Variants in GSE1 observed in about 807,000 individuals in gnomAD.
GSE1 encodes Gse1 coiled-coil protein.
In GSE1, 32 loss-of-function variants were observed where a neutral mutation model predicts 112.6. The observed-to-expected ratio is 0.28, with a 90% CI of 0.21 to 0.38. The LOEUF (loss-of-function observed/expected upper bound fraction) is 0.38, where lower values mean the gene tolerates loss of function less well. Among genes scored for constraint, GSE1 ranks in the 10% least tolerant of loss-of-function variants. GSE1 has a pLI of 1.00. For synonymous variants in GSE1, 1,115 were observed against 735.6 expected (o/e 1.52, Z -8.35); for missense variants, 2,348 against 1,699.2 (o/e 1.38, Z -6.71).
chr16:85,514,672 C>T (rs1400103217), intron 2 of GSE1, among the ~76,000 whole-genome samples: 1 of 152,194 alleles, frequency 6.6e-6, no homozygotes, highest in Non-Finnish European at 1.5e-5. Context: ...CCTCTATTGC[C>T]AGAAACCTCT....
chr16:85,496,965 C>T (rs560986365), intron 2 of GSE1, among the ~76,000 whole-genome samples: 4 of 151,462 alleles, frequency 2.6e-5, no homozygotes, highest in East Asian at 1.9e-4. Context: ...GTGGCTCTAT[C>T]TCGGCTCATT....
intron 2 of GSE1, among the ~76,000 whole-genome samples, chr16:85,526,764 G>A (rs75646369): frequency 1.8e-3 from 267 of 152,276 alleles, no homozygotes; most frequent in Non-Finnish European, 2.8e-3. Flanking sequence ...GGATAAAGAC[G>A]TCCGCTCGCT....
intron 2 of GSE1, among the ~76,000 whole-genome samples, chr16:85,409,859 G>T (rs1162400085): frequency 8.0e-5 from 1 of 12,504 alleles, no homozygotes; most frequent in African/African-American, 3.7e-4. Flanking sequence ...AATCCTCACT[G>T]TTACACTCAG....
intron 5 of GSE1, 78 bp from the exon 6 acceptor site, chr16:85,655,648 G>A (rs1029125053): frequency 4.4e-6 from 4 of 908,780 alleles, no homozygotes; most frequent in East Asian, 2.5e-5. Context: ...TGTGTACCTG[G>A]CTGAGACACA....
rs975934534 is a variant in GSE1, at chr16:85,672,787, G to C, written c.*248G>C. 1 of 308,754 alleles carries C rather than the reference G, an allele frequency of 3.2e-6. No homozygotes were observed. The highest frequency in any genetic ancestry group is 6.0e-6 in the Non-Finnish European group (1 of 167,416). The allele number at this position is 308,754 out of a possible 1,614,324, so 19.1% of individuals were successfully genotyped here. On this transcript the variant is annotated 3_prime_UTR_variant, in exon 16 of 16. Coordinates refer to ENST00000253458, the MANE Select transcript of GSE1 (RefSeq NM_014615.5). ...GCCCACAGTTTTTCTTTTTAAAGGT[G>C]GTTTTCGCCCTTCCTCTCCCACATT... is the stretch of plus-strand genomic sequence containing the variant.
At chr16:85,234,701 C>G (rs1320502117) in intron 1 of GSE1, among the ~76,000 whole-genome samples, 2 of 152,326 alleles carry the variant, frequency 1.3e-5, no homozygotes, top group Non-Finnish European at 2.9e-5. Flanking sequence ...CTGCCCTTGA[C>G]CCTCTGCTGG....
At chr16:85,605,145 G>A (rs2047645728) in intron 1 of GSE1, among the ~76,000 whole-genome samples, 1 of 151,654 alleles carries the variant, frequency 6.6e-6, no homozygotes, top group South Asian at 2.1e-4. Flanking sequence ...ACTTACAGAA[G>A]CCAGGGACTT....
chr16:85,319,981 T>C (rs2046068009), intron 1 of GSE1, among the ~76,000 whole-genome samples: 1 of 152,234 alleles, frequency 6.6e-6, no homozygotes, highest in African/African-American at 2.4e-5. Context: ...GGGCTGCGCC[T>C]ACCCAGCCGG....
chr16:85,656,254 GT>G (rs1445979144), intron 6 of GSE1, 88 bp from the exon 7 acceptor site: 9 of 1,516,354 alleles, frequency 5.9e-6, no homozygotes, highest in Non-Finnish European at 7.1e-6. Context: ...GCCCTGGCTC[GT>G]TCCTGGTTAT....
At chr16:85,240,298 A>G (rs1325489329) in intron 1 of GSE1, among the ~76,000 whole-genome samples, 1 of 151,954 alleles carries the variant, frequency 6.6e-6, no homozygotes, top group Non-Finnish European at 1.5e-5. Context: ...GGAATCCCAC[A>G]CCTTCCCTGC....
At chr16:85,669,209 C>G (rs892261393) in intron 14 of GSE1, among the ~76,000 whole-genome samples, 1 of 152,258 alleles carries the variant, frequency 6.6e-6, no homozygotes, top group African/African-American at 2.4e-5. Flanking sequence ...TTGCACTCAC[C>G]ATCCTTACTG....
chr16:85,522,337 C>A (rs1408486361), intron 2 of GSE1, among the ~76,000 whole-genome samples: 1 of 152,166 alleles, frequency 6.6e-6, no homozygotes, highest in East Asian at 1.9e-4. Context: ...TGTCCACAGC[C>A]CAGGGCCCAC....
intron 1 of GSE1, among the ~76,000 whole-genome samples, chr16:85,563,720 G>C (rs940074565): frequency 2.6e-5 from 4 of 152,236 alleles, no homozygotes; most frequent in African/African-American, 7.2e-5. Flanking sequence ...TTGGCTGCTT[G>C]CTTAATGGCC....
chr16:85,478,885 TTCTTTCTTTC>T (rs2050559880), intron 2 of GSE1, among the ~76,000 whole-genome samples: 1 of 66,580 alleles, frequency 1.5e-5, no homozygotes, highest in Non-Finnish European at 2.6e-5. Context: ...CTTTCTTTCT[TTCTTTCTTTC>T]TTTCTTTCTT....
At chr16:85,191,643 C>G (rs141509155) in intron 1 of GSE1, among the ~76,000 whole-genome samples, 20 of 152,324 alleles carry the variant, frequency 1.3e-4, no homozygotes, top group Middle Eastern at 6.8e-3. Context: ...GCCTCTTCTG[C>G]TCACTTCACG....
At chr16:85,288,462 T>G (rs1159422718) in intron 1 of GSE1, among the ~76,000 whole-genome samples, 1 of 145,772 alleles carries the variant, frequency 6.9e-6, no homozygotes, top group Non-Finnish European at 1.6e-5. Context: ...GAGCTGCCTC[T>G]TAGCCTGGGC....
intron 2 of GSE1, among the ~76,000 whole-genome samples, chr16:85,527,840 G>C (rs573030322): frequency 6.6e-6 from 1 of 152,254 alleles, no homozygotes; most frequent in African/African-American, 2.4e-5. Flanking sequence ...TGGTGGAATG[G>C]GAACAGAGTC....
rs1426011306 is a variant in GSE1 at position 85,654,285 on chromosome 16, G to A, written c.434G>A (p.Gly145Asp). Residue 145 changes from glycine to aspartate, a missense_variant, in exon 4 of 16, where the codon GGC (glycine) becomes GAC (aspartate). By Grantham distance (94) the Gly-to-Asp change is moderately conservative. Transcript: ENST00000253458. ...VWRSESRQDA[G>D]SRSSSGGRER... is the part of the protein sequence containing the mutation. ...GACGCTCTCCTCCCGCAGGATGCCG[G>A]CTCCAGGAGCAGCAGTGGAGGTCGG... The A allele has an allele frequency of 6.3e-7, 1 of 1,597,764 alleles. No homozygotes were observed. Among genetic ancestry groups the A allele is most frequent in the African/African-American group, 1.3e-5 (1 of 74,334 alleles).
chr16:85,439,504 G>A (rs1190629979), intron 2 of GSE1, among the ~76,000 whole-genome samples: 2 of 151,502 alleles, frequency 1.3e-5, no homozygotes, highest in Non-Finnish European at 2.9e-5. Context: ...TTGTTCAGAG[G>A]CACTCACAGG....
Sources: allele counts gnomAD v4.1 joint callset (sites outside exome capture counted in the v4.1 genomes callset), GRCh38; gene constraint gnomAD v4.1.1; transcripts MANE v1.5; gene names NCBI Gene and HGNC (gene_info 2026-07-23, HGNC 2026-07-21).